NFIB: variants seen among roughly 807,000 people sequenced by gnomAD.
NFIB encodes nuclear factor I B, also known as nuclear factor 1 B-type.
Under a neutral mutation model 61.5 loss-of-function variants are expected in NFIB, and 11 were observed. The ratio of observed to expected loss-of-function variants is 0.18; its 90% confidence interval spans 0.11 to 0.30. The LOEUF is 0.30. NFIB is among the 10% of genes least tolerant of loss of function. NFIB has a pLI of 1.00. For synonymous variants in NFIB, 260 were observed against 216.5 expected (o/e 1.20, Z -1.76); for missense variants, 471 against 608.9 (o/e 0.77, Z 2.38).
At chr9:14,330,352 T>C (rs974406381) in intron 1 of NFIB, among the ~76,000 whole-genome samples, 3 of 152,186 alleles carry the variant, frequency 2.0e-5, no homozygotes, top group Non-Finnish European at 4.4e-5. Context: ...CTAAAAAATA[T>C]AAAGATTCCC....
chr9:14,093,183 G>A (rs1190306009), intron 10 of NFIB, among the ~76,000 whole-genome samples: 1 of 151,952 alleles, frequency 6.6e-6, no homozygotes, highest in East Asian at 1.9e-4. Context: ...GAAACAATAA[G>A]AGCTATTTTA....
rs146489320 is a variant in NFIB at position 14,120,554 on chromosome 9, G to A, written c.1131C>T (p.Ala377=). ...PFPTQAILPP[A]PSSYFSHPTI... ...TTGGATGAGAAAAGTAGCTCGATGGGGCTGGAGGAAGGATAGCTTGTGTTG... is the reference window on the plus strand; with the variant it reads ...TTGGATGAGAAAAGTAGCTCGATGGAGCTGGAGGAAGGATAGCTTGTGTTG... The change falls in exon 8 of 11, where the codon GCC becomes GCT. Residue 377 remains alanine, a synonymous_variant. Transcript: ENST00000380953. The surrounding 1 kb of genome is among the most constrained non-coding windows in gnomAD (Gnocchi z 4.4). The A allele has an allele frequency of 1.1e-4, 175 of 1,613,852 alleles. 1 individual carries two copies. The African/African-American group carries it at 2.2e-3, about 20-fold the overall frequency.
At chr9:14,460,266 G>A in the NFIB span, among the ~76,000 whole-genome samples, 3 of 151,526 alleles carry the variant, frequency 2.0e-5, no homozygotes, top group South Asian at 6.3e-4. Flanking sequence ...ACTATAGCAA[G>A]GACAAAAAAC....
At chr9:14,444,136 T>A in the NFIB span, among the ~76,000 whole-genome samples, 5 of 152,190 alleles carry the variant, frequency 3.3e-5, no homozygotes, top group African/African-American at 1.2e-4. Flanking sequence ...CAGTTTGAGA[T>A]GCCAATGAAA....
At chr9:14,337,604 A>C (rs1411171591) in intron 1 of NFIB, among the ~76,000 whole-genome samples, 1 of 152,136 alleles carries the variant, frequency 6.6e-6, no homozygotes, top group African/African-American at 2.4e-5. Flanking sequence ...TTAAAATTTC[A>C]GTTCTCATTT....
chr9:14,475,681 G>T, the NFIB span, among the ~76,000 whole-genome samples: 5 of 152,006 alleles, frequency 3.3e-5, no homozygotes, highest in East Asian at 1.9e-4. Flanking sequence ...CCTTCCCAAG[G>T]GTATATGTTT....
intron 2 of NFIB, among the ~76,000 whole-genome samples, chr9:14,274,221 C>T (rs2057831145): frequency 7.3e-6 from 1 of 136,212 alleles, no homozygotes; most frequent in South Asian, 2.4e-4. Context: ...CATGCTCTAC[C>T]CCCTTTCTCT....
chr9:14,104,402 G>A (rs2036240595), intron 10 of NFIB, among the ~76,000 whole-genome samples: 2 of 151,812 alleles, frequency 1.3e-5, no homozygotes, highest in African/African-American at 4.8e-5. Flanking sequence ...TTAGTGTGAT[G>A]GGGCAAATTG....
intron 1 of NFIB, among the ~76,000 whole-genome samples, chr9:14,360,848 G>A (rs1305763174): frequency 6.6e-6 from 1 of 151,998 alleles, no homozygotes; most frequent in African/African-American, 2.4e-5. Context: ...GAGCCACCGC[G>A]CCTGGCCTTA....
chr9:14,414,431 CAAAA>C, the NFIB span, among the ~76,000 whole-genome samples: 1 of 56,656 alleles, frequency 1.8e-5, no homozygotes, highest in African/African-American at 5.4e-5. Context: ...GAGACTGTCT[CAAAA>C]AAAAAAAAAA....
At chr9:14,185,478 T>C (rs1423409971) in intron 2 of NFIB, among the ~76,000 whole-genome samples, 3 of 152,206 alleles carry the variant, frequency 2.0e-5, no homozygotes, top group African/African-American at 4.8e-5. Context: ...ATTTGATGTC[T>C]CCAAGTCTGT....
chr9:14,343,947 G>A (rs558937151), intron 1 of NFIB, among the ~76,000 whole-genome samples: 14 of 152,222 alleles, frequency 9.2e-5, no homozygotes, highest in African/African-American at 3.4e-4. Flanking sequence ...AGAGAGTGCT[G>A]CAAACAAAAT....
At chr9:14,340,199 C>T (rs936493753) in intron 1 of NFIB, among the ~76,000 whole-genome samples, 1 of 152,164 alleles carries the variant, frequency 6.6e-6, no homozygotes, top group Non-Finnish European at 1.5e-5. Context: ...TTAGCATTTT[C>T]CTACCACATT....
intron 2 of NFIB, among the ~76,000 whole-genome samples, chr9:14,234,666 CT>C: frequency 6.6e-6 from 1 of 151,574 alleles, no homozygotes; most frequent in Non-Finnish European, 1.5e-5. Context: ...TTGGTCTACT[CT>C]TTTTTTTAAC....
At chr9:14,145,357 G>T (rs933764403) in intron 6 of NFIB, among the ~76,000 whole-genome samples, 14 of 152,210 alleles carry the variant, frequency 9.2e-5, no homozygotes, top group African/African-American at 3.4e-4. Flanking sequence ...ATCTCAAGGA[G>T]ATTTAGATGA....
the NFIB span, among the ~76,000 whole-genome samples, chr9:14,461,784 T>A: frequency 6.6e-6 from 1 of 152,228 alleles, no homozygotes; most frequent in Non-Finnish European, 1.5e-5. Flanking sequence ...GTGGAAACTT[T>A]GCCTGGGGCA....
intron 10 of NFIB, among the ~76,000 whole-genome samples, chr9:14,093,841 G>A (rs2034343506): frequency 1.3e-5 from 2 of 151,972 alleles, no homozygotes; most frequent in African/African-American, 4.8e-5. Flanking sequence ...AAAAATGCTC[G>A]CTCAGACCAG....
chr9:14,320,269 G>C (rs2060631553), intron 1 of NFIB, among the ~76,000 whole-genome samples: 1 of 152,098 alleles, frequency 6.6e-6, no homozygotes, highest in Non-Finnish European at 1.5e-5. Flanking sequence ...ATTCATCAGG[G>C]CCAGTAAAAA....
intron 1 of NFIB, among the ~76,000 whole-genome samples, chr9:14,384,951 A>T (rs679613): frequency 6.6e-6 from 1 of 151,926 alleles, no homozygotes; most frequent in Non-Finnish European, 1.5e-5. Context: ...ACAGTACTTC[A>T]CTCTCCAAAG....
Sources: allele counts gnomAD v4.1 joint callset (sites outside exome capture counted in the v4.1 genomes callset), GRCh38; gene constraint gnomAD v4.1.1; non-coding constraint Gnocchi (gnomAD v3.1); transcripts MANE v1.5; gene names NCBI Gene and HGNC (gene_info 2026-07-23, HGNC 2026-07-21).